Variants in SLC9A9 observed in about 807,000 individuals in gnomAD.
SLC9A9 encodes the protein solute carrier family 9 member A9.
SLC9A9 carries 62 observed loss-of-function variants against 77.8 expected under a neutral mutation model. That is an observed-to-expected ratio of 0.80 (90% CI 0.65 to 0.98). The LOEUF (loss-of-function observed/expected upper bound fraction) is 0.98. SLC9A9 is among the 50% of genes least tolerant of loss of function. The pLI, the probability that SLC9A9 is intolerant of heterozygous loss-of-function variation, is 0.00. For missense variants in SLC9A9, 775 were observed against 774.9 expected, an observed-to-expected ratio of 1.00 and a Z score of 0.00; for synonymous variants, 320 against 283.5, an observed-to-expected ratio of 1.13 and a Z score of -1.29.
At chr3:143,644,948 G>A (rs2038680029) in intron 6 of SLC9A9, among the ~76,000 whole-genome samples, 2 of 152,120 alleles carry the variant, frequency 1.3e-5, no homozygotes, top group African/African-American at 4.8e-5. Flanking sequence ...CTCTGGTTGT[G>A]ATAACAGTTT....
intron 4 of SLC9A9, among the ~76,000 whole-genome samples, chr3:143,720,578 A>G (rs953845554): frequency 5.3e-5 from 8 of 152,214 alleles, no homozygotes; most frequent in African/African-American, 1.9e-4. Flanking sequence ...TCTTCCCAGT[A>G]TAAGCCTCCT....
chr3:143,590,277 T>C (rs1411602199), intron 6 of SLC9A9, among the ~76,000 whole-genome samples: 1 of 152,238 alleles, frequency 6.6e-6, no homozygotes, highest in Non-Finnish European at 1.5e-5. Context: ...AATATGTTAA[T>C]ATGTGTATAG....
intron 14 of SLC9A9, among the ~76,000 whole-genome samples, chr3:143,347,489 G>T (rs2032320887): frequency 6.6e-6 from 1 of 152,054 alleles, no homozygotes; most frequent in African/African-American, 2.4e-5. Flanking sequence ...AGGCATTTTT[G>T]GCTAAACCAG....
intron 9 of SLC9A9, among the ~76,000 whole-genome samples, chr3:143,522,051 T>A (rs2036309567): frequency 6.6e-6 from 1 of 152,184 alleles, no homozygotes; most frequent in Non-Finnish European, 1.5e-5. Flanking sequence ...AGCCAGTTGT[T>A]CCAAGAATAC....
intron 14 of SLC9A9, among the ~76,000 whole-genome samples, chr3:143,279,253 C>A (rs7651636): frequency 0.18 from 27,425 of 151,940 alleles, 6,478 homozygotes; most frequent in African/African-American, 0.55. Flanking sequence ...CATAGAGGTA[C>A]CAGGGAGGCA....
At chr3:143,810,153 A>G (rs1559808587) in intron 2 of SLC9A9, among the ~76,000 whole-genome samples, 1 of 152,330 alleles carries the variant, frequency 6.6e-6, no homozygotes, top group Admixed American at 6.5e-5. Context: ...TCATATGTGC[A>G]CCAGTATTTG....
At chr3:143,650,873 C>T (rs2038784620) in intron 6 of SLC9A9, among the ~76,000 whole-genome samples, 3 of 152,208 alleles carry the variant, frequency 2.0e-5, no homozygotes, top group Admixed American at 6.5e-5. Context: ...CAGGTTGGTG[C>T]TCAACAGCAT....
chr3:143,788,838 ACT>A (rs2008134955), intron 4 of SLC9A9, among the ~76,000 whole-genome samples: 1 of 152,144 alleles, frequency 6.6e-6, no homozygotes, highest in Admixed American at 6.5e-5. Flanking sequence ...CATATAAAGA[ACT>A]CTGCCAAATT....
At chr3:143,733,641 T>C (rs1934865110) in intron 4 of SLC9A9, among the ~76,000 whole-genome samples, 1 of 151,998 alleles carries the variant, frequency 6.6e-6, no homozygotes, top group African/African-American at 2.4e-5. Flanking sequence ...GTGTGACTCC[T>C]GGTAGAGAGA....
intron 14 of SLC9A9, among the ~76,000 whole-genome samples, chr3:143,284,451 G>C (rs2108410166): frequency 6.7e-6 from 1 of 149,364 alleles, no homozygotes; most frequent in South Asian, 2.1e-4. Flanking sequence ...CTCAGGAATT[G>C]GGAAGGCTGA....
chr3:143,696,365 T>C (rs1933640516), intron 4 of SLC9A9, among the ~76,000 whole-genome samples: 1 of 152,220 alleles, frequency 6.6e-6, no homozygotes, highest in Non-Finnish European at 1.5e-5. Flanking sequence ...TCAGGCTCCA[T>C]GCTAAAGGCA....
At chr3:143,334,639 T>C (rs2031870757) in intron 14 of SLC9A9, among the ~76,000 whole-genome samples, 1 of 152,250 alleles carries the variant, frequency 6.6e-6, no homozygotes, top group South Asian at 2.1e-4. Context: ...GTAAGGTATG[T>C]ATCAGTTTCT....
intron 9 of SLC9A9, among the ~76,000 whole-genome samples, chr3:143,516,203 C>T (rs1576547996): frequency 5.3e-5 from 8 of 152,196 alleles, no homozygotes; most frequent in Admixed American, 3.3e-4. Context: ...ACAGCACCTC[C>T]AGTCATGCTC....
At chr3:143,763,305 A>G (rs549589650) in intron 4 of SLC9A9, among the ~76,000 whole-genome samples, 2 of 152,310 alleles carry the variant, frequency 1.3e-5, no homozygotes, top group East Asian at 3.9e-4. Context: ...TTTAGTTCAC[A>G]GCCTTAGAAA....
At chr3:143,706,337 G>C (rs530802618) in intron 4 of SLC9A9, among the ~76,000 whole-genome samples, 96 of 152,278 alleles carry the variant, frequency 6.3e-4, no homozygotes, top group African/African-American at 2.3e-3. Flanking sequence ...TTGCCTTAGG[G>C]CCCAGTATGG....
chr3:143,344,895 C>A (rs554472676), intron 14 of SLC9A9, among the ~76,000 whole-genome samples: 11 of 152,148 alleles, frequency 7.2e-5, no homozygotes, highest in African/African-American at 2.6e-4. Context: ...TAAAAACTTT[C>A]AACCAAATAA....
intron 12 of SLC9A9, among the ~76,000 whole-genome samples, chr3:143,388,334 G>T (rs1392788712): frequency 6.6e-6 from 1 of 152,130 alleles, no homozygotes; most frequent in East Asian, 1.9e-4. Flanking sequence ...ACTAAAGTAA[G>T]TGAAAAAACT....
chr3:143,459,641 C>A (rs2035155811), intron 12 of SLC9A9, among the ~76,000 whole-genome samples: 1 of 151,994 alleles, frequency 6.6e-6, no homozygotes, highest in South Asian at 2.1e-4. Context: ...CATATACAGC[C>A]TAATTTTGAG....
At chr3:143,474,889 G>C (rs2035444866) in intron 11 of SLC9A9, among the ~76,000 whole-genome samples, 1 of 151,770 alleles carries the variant, frequency 6.6e-6, no homozygotes, top group African/African-American at 2.4e-5. Context: ...TCCCTTGGCT[G>C]TGCCCATCAT....
Sources: allele counts gnomAD v4.1 joint callset (sites outside exome capture counted in the v4.1 genomes callset), GRCh38; gene constraint gnomAD v4.1.1; transcripts MANE v1.5; gene names NCBI Gene and HGNC (gene_info 2026-07-23, HGNC 2026-07-21).